The following FBRSL1 variants were observed in gnomAD, a reference collection of about 807,000 sequenced individuals.
The protein encoded by FBRSL1 is fibrosin like 1.
In FBRSL1, 51 loss-of-function variants were observed where a neutral mutation model predicts 89.6. The ratio of observed to expected loss-of-function variants is 0.57; its 90% CI spans 0.45 to 0.72. The LOEUF (loss-of-function observed/expected upper bound fraction) is 0.72. FBRSL1 is among the 30% of genes least tolerant of loss of function. The probability of loss-of-function intolerance (pLI) is 0.00; values close to 1 mark genes in which losing one functional copy is unlikely to be tolerated. For missense variants in FBRSL1, 1,618 were observed against 1,451.8 expected (o/e 1.11, Z -1.86); for synonymous variants, 779 against 681.1 (o/e 1.14, Z -2.24).
Position 132,499,416 on chromosome 12 carries a change from T to C in FBRSL1, c.291+8555T>C, listed in dbSNP as rs1262063512. Reference sequence around the variant, plus strand: ...CTGTTCTGCTTTCCCTGACAGACTTTATAAGCATTTATTGAGCACCGGCTG... The same window carrying C: ...CTGTTCTGCTTTCCCTGACAGACTTCATAAGCATTTATTGAGCACCGGCTG... On this transcript the variant is annotated intron_variant, in intron 1 of 18. Coordinates refer to ENST00000680143, the MANE Select transcript of FBRSL1 (RefSeq NM_001367871.1). This position sits in a 1 kb window ranked among gnomAD's most constrained non-coding sequence, Gnocchi z 4.3. Among the ~76,000 whole-genome samples the C allele has an allele frequency of 6.6e-6, 1 of 152,158 alleles. No homozygotes were observed. The highest frequency in any genetic ancestry group is 2.4e-5 in the African/African-American group (1 of 41,430).
At chr12:132,547,679 G>T (rs1310831783) in intron 4 of FBRSL1, among the ~76,000 whole-genome samples, 1 of 152,196 alleles carries the variant, frequency 6.6e-6, no homozygotes, top group Admixed American at 6.5e-5. Flanking sequence ...CTTCATGGCC[G>T]CCCTGCTCTG....
chr12:132,577,167 T>G (rs1593587337), intron 15 of FBRSL1, among the ~76,000 whole-genome samples: 1 of 150,620 alleles, frequency 6.6e-6, no homozygotes, highest in Admixed American at 6.6e-5. Context: ...CTCCCCAGGG[T>G]GGACCTGGGC....
At chr12:132,523,747 C>T (rs761943226) in intron 2 of FBRSL1, among the ~76,000 whole-genome samples, 4 of 152,208 alleles carry the variant, frequency 2.6e-5, no homozygotes, top group Non-Finnish European at 5.9e-5. Context: ...CCCAGGGGGC[C>T]GGTGATACAC....
chr12:132,503,087 C>G (rs557085119), intron 1 of FBRSL1, among the ~76,000 whole-genome samples: 5 of 152,038 alleles, frequency 3.3e-5, no homozygotes, highest in African/African-American at 1.2e-4. Context: ...AACGGCCAAG[C>G]TGGGCCTCAC....
intron 4 of FBRSL1, among the ~76,000 whole-genome samples, chr12:132,528,689 G>C (rs768956258): frequency 2.9e-4 from 44 of 151,902 alleles, no homozygotes; most frequent in Admixed American, 1.6e-3. Context: ...GTGTGTTTCA[G>C]TGTGTGCCTG....
chr12:132,494,019 G>A (rs2136321652), intron 1 of FBRSL1, among the ~76,000 whole-genome samples: 1 of 152,178 alleles, frequency 6.6e-6, no homozygotes, highest in African/African-American at 2.4e-5. Flanking sequence ...TGGGCTGGGT[G>A]TGCTGGGGTG....
At chr12:132,511,632 G>A (rs1339061989) in intron 2 of FBRSL1, 1 of 985,476 alleles carries the variant, frequency 1.0e-6, no homozygotes, top group African/African-American at 1.7e-5. Flanking sequence ...GTGACAGGAG[G>A]CTCTGGTCCT....
chr12:132,512,358 A>G (rs2034441717), intron 2 of FBRSL1, among the ~76,000 whole-genome samples: 1 of 152,236 alleles, frequency 6.6e-6, no homozygotes, highest in Non-Finnish European at 1.5e-5. Flanking sequence ...CATCCTCTGC[A>G]CAGCCTGTCA....
At chr12:132,507,363 C>T in intron 1 of FBRSL1, 1 of 985,422 alleles carries the variant, frequency 1.0e-6, no homozygotes, top group Non-Finnish European at 1.2e-6. Flanking sequence ...AGCCCTGGTG[C>T]CAGGAGCTGA....
chr12:132,529,592 G>A (rs1262065987), intron 4 of FBRSL1, among the ~76,000 whole-genome samples: 1 of 148,238 alleles, frequency 6.7e-6, no homozygotes, highest in East Asian at 2.0e-4. Context: ...GCTCTTCTCT[G>A]CCACCCTGGG....
intron 5 of FBRSL1, among the ~76,000 whole-genome samples, chr12:132,560,805 G>A (rs2039059948): frequency 6.6e-6 from 1 of 152,222 alleles, no homozygotes; most frequent in African/African-American, 2.4e-5. Context: ...CTGGGCTTGA[G>A]TGATCCTCTA....
At chr12:132,542,804 CTTTG>C (rs2037375222) in intron 4 of FBRSL1, among the ~76,000 whole-genome samples, 3 of 152,256 alleles carry the variant, frequency 2.0e-5, no homozygotes, top group Admixed American at 6.5e-5. Context: ...TTTTTCATGC[CTTTG>C]TTTGAGCAGT....
At position 132,499,281 on chromosome 12, in the gene FBRSL1, G is replaced by A. The variant is rs149132972; in HGVS notation, c.291+8420G>A. ...ACCTCTGGGAGAGGCCAGGTGAGCC[G>A]CTGGCCAGCAGGGAAGGGCCAGCCA... On this transcript the variant is annotated intron_variant, in intron 1 of 18. Transcript: ENST00000680143. This position sits in a 1 kb window ranked among gnomAD's most constrained non-coding sequence, Gnocchi z 4.3. Among the ~76,000 whole-genome samples the A allele has an allele frequency of 1.3e-3, 192 of 152,000 alleles. 1 individual carries two copies. Among genetic ancestry groups the A allele is most frequent in the African/African-American group, 4.5e-3 (185 of 41,470 alleles).
chr12:132,495,968 G>C (rs746232423), intron 1 of FBRSL1, among the ~76,000 whole-genome samples: 14 of 152,364 alleles, frequency 9.2e-5, no homozygotes, highest in African/African-American at 2.9e-4. Context: ...GGTCGGGGCT[G>C]TTACAGCAGG....
chr12:132,505,190 G>A (rs1481860931), intron 1 of FBRSL1, among the ~76,000 whole-genome samples: 1 of 152,216 alleles, frequency 6.6e-6, no homozygotes, highest in Non-Finnish European at 1.5e-5. Flanking sequence ...AGACCTCACT[G>A]CGGTGAACAC....
At position 132,546,483 on chromosome 12, in the gene FBRSL1, C is replaced by T. The variant is rs2137295654; in HGVS notation, c.616-1520C>T. Among the ~76,000 whole-genome samples the T allele has an allele frequency of 6.6e-6, 1 of 152,262 alleles. No homozygotes were observed. Among genetic ancestry groups the T allele is most frequent in the East Asian group, 1.9e-4 (1 of 5,166 alleles). Reference sequence around the variant, plus strand: ...AGACCGGGGGAACCCTAGGAGAGGGCTTGGCCACGGCTGAAAGGCCAGACC... The same window carrying T: ...AGACCGGGGGAACCCTAGGAGAGGGTTTGGCCACGGCTGAAAGGCCAGACC... On this transcript the variant is annotated intron_variant, in intron 4 of 18. Coordinates refer to ENST00000680143, the MANE Select transcript of FBRSL1 (RefSeq NM_001367871.1). This position sits in a 1 kb window ranked among gnomAD's most constrained non-coding sequence, Gnocchi z 4.0.
intron 1 of FBRSL1, among the ~76,000 whole-genome samples, chr12:132,504,686 G>T (rs113838217): frequency 6.6e-6 from 1 of 152,180 alleles, no homozygotes; most frequent in South Asian, 2.1e-4. Context: ...GGCGGCCCTG[G>T]CTGGCACCCC....
chr12:132,532,346 A>T (rs771812183), intron 4 of FBRSL1, among the ~76,000 whole-genome samples: 9 of 152,144 alleles, frequency 5.9e-5, no homozygotes, highest in Non-Finnish European at 1.2e-4. Flanking sequence ...TGAGACCCTC[A>T]GACCTCCCTC....
At chr12:132,574,677 TC>T in intron 14 of FBRSL1, 113 bp downstream of exon 14, 1 of 1,307,772 alleles carries the variant, frequency 7.6e-7, no homozygotes, top group Non-Finnish European at 1.0e-6. Flanking sequence ...ACGGGTGTGA[TC>T]CTCACGCGTG....
Sources: allele counts gnomAD v4.1 joint callset (sites outside exome capture counted in the v4.1 genomes callset), GRCh38; gene constraint gnomAD v4.1.1; non-coding constraint Gnocchi (gnomAD v3.1); transcripts MANE v1.5; gene names NCBI Gene and HGNC (gene_info 2026-07-23, HGNC 2026-07-21).